KLF16: variants seen among roughly 807,000 people sequenced by gnomAD.
The protein encoded by KLF16 is Krueppel-like factor 16.
KLF16 carries 6 observed loss-of-function variants against 6.1 expected under a neutral mutation model. The observed-to-expected ratio is 0.98, with a 90% CI of 0.54 to 1.93. The LOEUF (loss-of-function observed/expected upper bound fraction) is 1.93, where lower values mean the gene tolerates loss of function less well. Ranked by LOEUF, KLF16 falls within the 30% of genes most tolerant of loss-of-function variation. The probability of loss-of-function intolerance (pLI) is 0.01; values close to 1 mark genes in which losing one functional copy is unlikely to be tolerated. For missense variants in KLF16, 355 were observed against 363.8 expected (o/e 0.98, Z 0.20); for synonymous variants, 211 against 176.5 (o/e 1.20, Z -1.55).
intron 1 of KLF16, among the ~76,000 whole-genome samples, chr19:1,860,982 G>A (rs1163641002): frequency 1.3e-5 from 2 of 152,000 alleles, no homozygotes; most frequent in African/African-American, 4.8e-5. Context: ...GGTGCCAGGA[G>A]ATCCGCCCTG....
chr19:1,865,554 G>A (rs189810129), upstream of KLF16, among the ~76,000 whole-genome samples: 16 of 152,370 alleles, frequency 1.1e-4, 1 homozygote, highest in East Asian at 2.9e-3. Flanking sequence ...ACGATGGGGG[G>A]CAGGGGTGAG....
Position 1,863,336 on chromosome 19 carries a change from C to A in KLF16, c.162G>T (p.Gly54=). 1.0e-6 allele frequency: 1 copy of A among 980,812 alleles called. No individual in the cohort carries two copies. Among genetic ancestry groups the A allele is most frequent in the South Asian group, 4.5e-5 (1 of 22,064 alleles). 60.8% of individuals were successfully genotyped at this position (980,812 alleles called of 1,614,324 possible). Residue 54 remains glycine (G), a synonymous_variant, in exon 1 of 2, where the codon GGG becomes GGT. Transcript: ENST00000250916. The part of the protein sequence containing the change: ...RAARREAASP[G]TPGPPPPPPA... ...GGGGCGGCGGGGGTGGCCCCGGGGT[C>A]CCGGGTGAGGCGGCCTCGCGGCGCG...
upstream of KLF16, among the ~76,000 whole-genome samples, chr19:1,867,397 CCT>C (rs1223217046): frequency 6.6e-6 from 1 of 152,188 alleles, no homozygotes; most frequent in Non-Finnish European, 1.5e-5. Flanking sequence ...TAGTGAGACC[CCT>C]GTCTGCATAA....
chr19:1,855,168 G>A (rs116005029), intron 1 of KLF16, among the ~76,000 whole-genome samples: 6,782 of 152,290 alleles, frequency 0.045, 480 homozygotes, highest in African/African-American at 0.16. Flanking sequence ...AGGCATGCTC[G>A]GCCTTCAGGC....
chr19:1,855,192 C>A (rs77702794), intron 1 of KLF16, among the ~76,000 whole-genome samples: 2 of 152,240 alleles, frequency 1.3e-5, no homozygotes, highest in East Asian at 1.9e-4. Flanking sequence ...CCCTGCCCCC[C>A]ACCCAGGGGC....
intron 1 of KLF16, among the ~76,000 whole-genome samples, chr19:1,859,127 A>G (rs2012012266): frequency 6.6e-6 from 1 of 150,602 alleles, no homozygotes; most frequent in South Asian, 2.1e-4. Context: ...CCCTCCCCAG[A>G]TAAGCTGCCA....
At chr19:1,860,834 G>T (rs1386376352) in intron 1 of KLF16, among the ~76,000 whole-genome samples, 1 of 152,192 alleles carries the variant, frequency 6.6e-6, no homozygotes, top group Non-Finnish European at 1.5e-5. Context: ...AGAGGAGCCT[G>T]GAAAGCCACA....
chr19:1,875,886 C>A, the KLF16 span: 1 of 152,374 alleles, frequency 6.6e-6, no homozygotes, highest in East Asian at 1.9e-4. Context: ...GCCCCGTGGT[C>A]AGCCAGGAGC....
intron 1 of KLF16, among the ~76,000 whole-genome samples, chr19:1,856,894 G>A (rs2011961018): frequency 6.8e-6 from 1 of 147,350 alleles, no homozygotes; most frequent in Admixed American, 7.0e-5. Context: ...CAGGGCGGCG[G>A]GGCTGGTCTC....
At chr19:1,871,999 C>G in the KLF16 span, among the ~76,000 whole-genome samples, 1 of 152,152 alleles carries the variant, frequency 6.6e-6, no homozygotes, top group Non-Finnish European at 1.5e-5. Flanking sequence ...GGGCCAGGGC[C>G]GGGGATTTTA....
chr19:1,872,919 A>G, the KLF16 span, among the ~76,000 whole-genome samples: 4 of 151,802 alleles, frequency 2.6e-5, no homozygotes, highest in Admixed American at 2.0e-4. Context: ...CGCCCACTGG[A>G]TGGACTCCCA....
At chr19:1,859,408 T>A (rs1010131954) in intron 1 of KLF16, among the ~76,000 whole-genome samples, 1 of 151,824 alleles carries the variant, frequency 6.6e-6, no homozygotes, top group African/African-American at 2.4e-5. Flanking sequence ...CCACATCTCG[T>A]CCTGCCCTCC....
At chr19:1,874,994 C>T in the KLF16 span, 2 of 152,280 alleles carry the variant, frequency 1.3e-5, no homozygotes, top group South Asian at 4.1e-4. Flanking sequence ...TCACGACGTT[C>T]GACTATACTT....
upstream of KLF16, among the ~76,000 whole-genome samples, chr19:1,865,182 A>G (rs1047523557): frequency 6.6e-6 from 1 of 152,214 alleles, no homozygotes; most frequent in Non-Finnish European, 1.5e-5. Context: ...GAGGAGGTTC[A>G]GCGAAGTGTG....
chr19:1,871,349 G>T, the KLF16 span, among the ~76,000 whole-genome samples: 1 of 152,186 alleles, frequency 6.6e-6, no homozygotes. Flanking sequence ...GACTGGACGG[G>T]CTGCGGAGGT....
At chr19:1,870,659 G>A in the KLF16 span, among the ~76,000 whole-genome samples, 1 of 151,826 alleles carries the variant, frequency 6.6e-6, no homozygotes, top group Admixed American at 6.6e-5. Flanking sequence ...CAGGTAACAG[G>A]GTGACAGTCT....
chr19:1,864,324 G>A (rs372326549), upstream of KLF16, among the ~76,000 whole-genome samples: 1 of 152,130 alleles, frequency 6.6e-6, no homozygotes, highest in South Asian at 2.1e-4. Context: ...CTTTGACCCC[G>A]CACTCAGGCA....
intron 1 of KLF16, among the ~76,000 whole-genome samples, chr19:1,862,595 C>A (rs1329705806): frequency 1.3e-5 from 2 of 151,884 alleles, no homozygotes; most frequent in African/African-American, 4.8e-5. Flanking sequence ...CCGGCGGCGG[C>A]GACGCGGTTC....
chr19:1,869,169 T>C, the KLF16 span, among the ~76,000 whole-genome samples: 1 of 152,194 alleles, frequency 6.6e-6, no homozygotes, highest in Non-Finnish European at 1.5e-5. Context: ...CTGTCAGAGC[T>C]GTACCCATGT....
Sources: allele counts gnomAD v4.1 joint callset (sites outside exome capture counted in the v4.1 genomes callset), GRCh38; gene constraint gnomAD v4.1.1; transcripts MANE v1.5; gene names NCBI Gene and HGNC (gene_info 2026-07-23, HGNC 2026-07-21).